The following FBXO32 variants were observed in gnomAD, a reference collection of about 807,000 sequenced individuals.
FBXO32 encodes the protein F-box only protein 32.
In FBXO32, 15 loss-of-function variants were observed where a neutral mutation model predicts 48.3. That is an observed-to-expected ratio of 0.31 (90% confidence interval 0.21 to 0.48). The LOEUF (loss-of-function observed/expected upper bound fraction) is 0.48, where lower values mean the gene tolerates loss of function less well. Among genes scored for constraint, FBXO32 ranks in the 20% least tolerant of loss-of-function variants. FBXO32 has a pLI of 0.99. For missense variants in FBXO32, 309 were observed against 432.7 expected (o/e 0.71, Z 2.54); for synonymous variants, 154 against 165.9 (o/e 0.93, Z 0.55).
chr8:123,505,626 C>T (rs1424437507), intron 7 of FBXO32, among the ~76,000 whole-genome samples: 3 of 152,140 alleles, frequency 2.0e-5, no homozygotes, highest in Non-Finnish European at 4.4e-5. Context: ...ATCCCAGCTA[C>T]TTGGGAGGCT....
chr8:123,525,635 C>T lies in FBXO32; in HGVS notation c.372+6263G>A, dbSNP rs368422173. Reference sequence around the variant, plus strand: ...AAGGAGAGAACACTGGAGCAGGAGTCGGAGAACCAGGCTTAGGTCCTGCCT... The same window carrying T: ...AAGGAGAGAACACTGGAGCAGGAGTTGGAGAACCAGGCTTAGGTCCTGCCT... On this transcript the variant is annotated intron_variant, in intron 4 of 8. Coordinates refer to ENST00000517956, the MANE Select transcript of FBXO32 (RefSeq NM_058229.4). This position sits in a 1 kb window ranked among gnomAD's most constrained non-coding sequence, Gnocchi z 4.3. 2.8e-4 allele frequency among the ~76,000 whole-genome samples: 42 copies of T among 152,316 alleles called. No homozygotes were observed. Among genetic ancestry groups the T allele is most frequent in the African/African-American group, 9.6e-4 (40 of 41,562 alleles).
chr8:123,540,135 A>T lies in FBXO32; in HGVS notation c.116+764T>A, dbSNP rs1817383173. On this transcript the variant is annotated intron_variant, in intron 1 of 8. Coordinates refer to ENST00000517956, the MANE Select transcript of FBXO32 (RefSeq NM_058229.4). This position sits in a 1 kb window ranked among gnomAD's most constrained non-coding sequence, Gnocchi z 6.4. Reference sequence around the variant, plus strand: ...GGGCCAGGCAGGCTTTTCGCAGCTGACAGGCACCCCTGGAAACGGAGTGCA... The same window carrying T: ...GGGCCAGGCAGGCTTTTCGCAGCTGTCAGGCACCCCTGGAAACGGAGTGCA... 6.6e-6 allele frequency among the ~76,000 whole-genome samples: 1 copy of T among 152,206 alleles called. No individual in the cohort carries two copies. The highest frequency in any genetic ancestry group is 1.5e-5 in the Non-Finnish European group (1 of 68,026).
chr8:123,504,579 T>C (rs760326599), intron 8 of FBXO32, 25 bp downstream of exon 8: 10 of 1,603,882 alleles, frequency 6.2e-6, no homozygotes, highest in South Asian at 4.5e-5. Flanking sequence ...TGGGGGTCTG[T>C]GGCAGCCACC....
In FBXO32 at chr8:123,524,102, A is replaced by G. The variant is rs375153870; in HGVS notation, c.372+7796T>C. ...TTATACTATTAGGAGTCTATGCTCT[A>G]GTCTTAGTCTTCCCCCATTTCCATG... On this transcript the variant is annotated intron_variant, in intron 4 of 8. Transcript: ENST00000517956. Among the ~76,000 whole-genome samples, 4 of 152,246 alleles carry G rather than the reference A, an allele frequency of 2.6e-5. No homozygotes were observed. In the East Asian group the frequency reaches 5.8e-4, roughly 22 times the overall value.
chr8:123,511,330 GTGTT>G (rs1816729751), intron 6 of FBXO32, among the ~76,000 whole-genome samples: 1 of 152,164 alleles, frequency 6.6e-6, no homozygotes. Context: ...GCTCCGAAGA[GTGTT>G]TGTGGATGAG....
At chr8:123,537,663 T>C (rs978570874) in intron 1 of FBXO32, among the ~76,000 whole-genome samples, 1 of 152,140 alleles carries the variant, frequency 6.6e-6, no homozygotes, top group East Asian at 1.9e-4. Flanking sequence ...ATCGCCACAC[T>C]CACAAGGCTA....
chr8:123,504,505 G>A lies in FBXO32; in HGVS notation c.978+99C>T, dbSNP rs184812073. On this transcript the variant is annotated intron_variant, in intron 8 of 8. Coordinates refer to ENST00000517956, the MANE Select transcript of FBXO32 (RefSeq NM_058229.4). ...ACTTTCAGCTGGGGGCTGTGATGGG[G>A]AAGAGGCGGAAAGGCGCTGGCCTCA... is the stretch of plus-strand genomic sequence containing the variant. 679 of 1,137,144 alleles carry A rather than the reference G, an allele frequency of 6.0e-4. 5 individuals carry two copies. The African/African-American group carries it at 0.01, about 17-fold the overall frequency. 70.4% of individuals were successfully genotyped at this position (1,137,144 alleles called of 1,614,324 possible).
In FBXO32 at chr8:123,541,060, G is replaced by T; in HGVS notation, c.-46C>A. On this transcript the variant is annotated 5_prime_UTR_variant, in exon 1 of 9. Transcript: ENST00000517956. ...CGGATGGGGAGACGGGGCCGGCCTG[G>T]TGGGCTCGGGGACGTGCCACCCGGG... 1 of 1,373,862 alleles carries T rather than the reference G, an allele frequency of 7.3e-7. No individual in the cohort carries two copies. The highest frequency in any genetic ancestry group is 1.0e-6 in the Non-Finnish European group (1 of 1,004,398). The allele number at this position is 1,373,862 out of a possible 1,614,324, so 85.1% of individuals were successfully genotyped here.
rs10093411 is a variant in FBXO32, at chr8:123,506,290, A to G, written c.834+102T>C. On this transcript the variant is annotated intron_variant, in intron 7 of 8. Coordinates refer to ENST00000517956, the MANE Select transcript of FBXO32 (RefSeq NM_058229.4). The surrounding 1 kb of genome is among the most constrained non-coding windows in gnomAD (Gnocchi z 4.0). Reference sequence around the variant, plus strand: ...TTTCAGTCAAACCAGGGAACCTGGAATAGGGGGAACCCAGACCTCAGGCTT... The same window carrying G: ...TTTCAGTCAAACCAGGGAACCTGGAGTAGGGGGAACCCAGACCTCAGGCTT... 0.28 allele frequency: 360,460 copies of G among 1,287,382 alleles called. 59,189 individuals carry two copies. Among genetic ancestry groups the G allele is most frequent in the African/African-American group, 0.61 (41,363 of 67,296 alleles). The allele number at this position is 1,287,382 out of a possible 1,614,324, so 79.7% of individuals were successfully genotyped here.
At chr8:123,537,932 AG>A (rs1221507173) in intron 1 of FBXO32, among the ~76,000 whole-genome samples, 1 of 151,664 alleles carries the variant, frequency 6.6e-6, no homozygotes, top group Non-Finnish European at 1.5e-5. Context: ...GTGGGCGGTG[AG>A]GGGGTGGTTG....
intron 7 of FBXO32, among the ~76,000 whole-genome samples, chr8:123,505,934 T>C (rs1473459046): frequency 1.3e-5 from 2 of 151,900 alleles, no homozygotes; most frequent in African/African-American, 2.4e-5. Flanking sequence ...ATTTAAAAAC[T>C]CAGACAGGGT....
chr8:123,503,807 A>G (rs976489819), intron 8 of FBXO32, among the ~76,000 whole-genome samples: 2 of 152,162 alleles, frequency 1.3e-5, no homozygotes, highest in African/African-American at 4.8e-5. Flanking sequence ...GCTGGGCACG[A>G]TGGCTCACAC....
intron 4 of FBXO32, 140 bp from the exon 5 acceptor site, chr8:123,514,473 AAGC>A: frequency 1.9e-6 from 1 of 523,084 alleles, no homozygotes; most frequent in South Asian, 3.3e-5. Context: ...ATGCAATAAA[AAGC>A]AGATGCTCAG....
chr8:123,516,514 G>A (rs754463551), intron 4 of FBXO32, among the ~76,000 whole-genome samples: 1 of 152,150 alleles, frequency 6.6e-6, no homozygotes, highest in Non-Finnish European at 1.5e-5. Flanking sequence ...GAAGCAAAAT[G>A]AAATTTTAAA....
At chr8:123,504,780 G>A in intron 7 of FBXO32, 33 bp from the exon 8 acceptor site, 1 of 1,603,698 alleles carries the variant, frequency 6.2e-7, no homozygotes, top group South Asian at 1.1e-5. Context: ...GAAATGACAG[G>A]AGAGTTTGTC....
chr8:123,532,248 C>A (rs1173564841), intron 3 of FBXO32: 2 of 1,160,636 alleles, frequency 1.7e-6, no homozygotes, highest in South Asian at 2.2e-5. Flanking sequence ...CCATTTGGGA[C>A]CTTGCTTATA....
At chr8:123,518,607 C>G (rs541722367) in intron 4 of FBXO32, among the ~76,000 whole-genome samples, 3 of 152,140 alleles carry the variant, frequency 2.0e-5, no homozygotes, top group Non-Finnish European at 4.4e-5. Context: ...CTAACAATAA[C>G]AATAACAATG....
rs1816635757 is a variant in FBXO32, at chr8:123,506,857, T to C, written c.652-283A>G. Among the ~76,000 whole-genome samples the C allele has an allele frequency of 6.6e-6, 1 of 152,214 alleles. No individual in the cohort carries two copies. Among genetic ancestry groups the C allele is most frequent in the East Asian group, 1.9e-4 (1 of 5,198 alleles). ...TCTTAAAGACTCTCCAAATAGCGCA[T>C]GTGCTTTACTCAGTTCACACAATTA... On this transcript the variant is annotated intron_variant, in intron 6 of 8. Coordinates refer to ENST00000517956, the MANE Select transcript of FBXO32 (RefSeq NM_058229.4). This position sits in a 1 kb window ranked among gnomAD's most constrained non-coding sequence, Gnocchi z 4.0.
intron 4 of FBXO32, among the ~76,000 whole-genome samples, chr8:123,530,503 G>A (rs1817178132): frequency 6.6e-6 from 1 of 152,192 alleles, no homozygotes; most frequent in Admixed American, 6.5e-5. Flanking sequence ...ATACACAAGG[G>A]AGCTTTGGAG....
Sources: allele counts gnomAD v4.1 joint callset (sites outside exome capture counted in the v4.1 genomes callset), GRCh38; gene constraint gnomAD v4.1.1; non-coding constraint Gnocchi (gnomAD v3.1); transcripts MANE v1.5; gene names NCBI Gene and HGNC (gene_info 2026-07-23, HGNC 2026-07-21).